Variants in IKZF2 observed in about 807,000 individuals in gnomAD.
IKZF2 encodes the protein zinc finger protein Helios.
IKZF2 carries 15 observed loss-of-function variants against 49.2 expected under a neutral mutation model. The observed-to-expected ratio is 0.30, with a 90% confidence interval of 0.20 to 0.47. The LOEUF (loss-of-function observed/expected upper bound fraction) is 0.47, where lower values mean the gene tolerates loss of function less well. Ranked by LOEUF, IKZF2 falls within the 20% of genes least tolerant of loss-of-function variation. The probability of loss-of-function intolerance (pLI) is 1.00; values close to 1 mark genes in which losing one functional copy is unlikely to be tolerated. For missense variants in IKZF2, 567 were observed against 664.6 expected (o/e 0.85, Z 1.61); for synonymous variants, 227 against 221.4 (o/e 1.03, Z -0.23).
At chr2:213,124,252 GCA>G (rs66958263) in intron 4 of IKZF2, among the ~76,000 whole-genome samples, 9,018 of 135,668 alleles carry the variant, frequency 0.066, 380 homozygotes, top group African/African-American at 0.12. Flanking sequence ...GCGCGCGCGC[GCA>G]CACACACACA....
At chr2:213,103,838 G>A (rs1349695039) in intron 4 of IKZF2, among the ~76,000 whole-genome samples, 1 of 152,008 alleles carries the variant, frequency 6.6e-6, no homozygotes, top group Non-Finnish European at 1.5e-5. Context: ...AAATTCCTTA[G>A]TTACAAATAT....
intron 4 of IKZF2, among the ~76,000 whole-genome samples, chr2:213,108,663 A>G (rs1287012014): frequency 6.6e-6 from 1 of 152,214 alleles, no homozygotes; most frequent in Non-Finnish European, 1.5e-5. Flanking sequence ...ATATAGCTTT[A>G]AAGTGCTTTT....
At chr2:213,094,698 AT>A (rs1705770518) in intron 4 of IKZF2, among the ~76,000 whole-genome samples, 2 of 152,276 alleles carry the variant, frequency 1.3e-5, no homozygotes, top group South Asian at 4.1e-4. Flanking sequence ...GTACAAAAGC[AT>A]TTTAATATTT....
intron 4 of IKZF2, among the ~76,000 whole-genome samples, chr2:213,134,671 A>G (rs1376275911): frequency 6.6e-6 from 1 of 152,206 alleles, no homozygotes. Context: ...TATCTGAAGA[A>G]GTATGCTTCT....
intron 4 of IKZF2, among the ~76,000 whole-genome samples, chr2:213,079,530 G>A (rs1238108649): frequency 6.7e-6 from 1 of 148,412 alleles, no homozygotes; most frequent in Non-Finnish European, 1.5e-5. Flanking sequence ...AAGGCAGGAA[G>A]GGAGGGAGGG....
chr2:213,134,902 A>T (rs866079496), intron 4 of IKZF2, among the ~76,000 whole-genome samples: 1 of 152,154 alleles, frequency 6.6e-6, no homozygotes, highest in African/African-American at 2.4e-5. Context: ...ACTCAAGTGG[A>T]GTCTGTGGCT....
intron 4 of IKZF2, among the ~76,000 whole-genome samples, chr2:213,147,180 T>C (rs987303418): frequency 2.0e-5 from 3 of 152,170 alleles, no homozygotes; most frequent in Non-Finnish European, 4.4e-5. Context: ...ACAAAAGCCT[T>C]TCAACTTTGC....
At chr2:213,096,622 C>T (rs185165595) in intron 4 of IKZF2, among the ~76,000 whole-genome samples, 19 of 151,894 alleles carry the variant, frequency 1.3e-4, no homozygotes, top group Non-Finnish European at 2.4e-4. Flanking sequence ...AGCACTGTAC[C>T]GAAAGTAATT....
intron 6 of IKZF2, among the ~76,000 whole-genome samples, chr2:213,030,284 A>G (rs1698267139): frequency 2.0e-5 from 3 of 152,062 alleles, no homozygotes; most frequent in African/African-American, 4.8e-5. Context: ...CTAAATCTTT[A>G]GAAGTCTTAA....
chr2:213,146,113 C>T (rs541968210), intron 4 of IKZF2, among the ~76,000 whole-genome samples: 69 of 152,186 alleles, frequency 4.5e-4, no homozygotes, highest in African/African-American at 1.6e-3. Context: ...TTACTCCCTA[C>T]CCTATACATG....
At chr2:213,085,381 C>T (rs1223254532) in intron 4 of IKZF2, among the ~76,000 whole-genome samples, 2 of 152,058 alleles carry the variant, frequency 1.3e-5, no homozygotes, top group African/African-American at 4.8e-5. Context: ...GTATAAATGG[C>T]TTATATATTA....
chr2:213,043,196 A>ACC (rs1191958010), intron 6 of IKZF2, among the ~76,000 whole-genome samples: 1 of 151,678 alleles, frequency 6.6e-6, no homozygotes, highest in Non-Finnish European at 1.5e-5. Flanking sequence ...ACACACACAC[A>ACC]CACACACACA....
intron 4 of IKZF2, among the ~76,000 whole-genome samples, chr2:213,147,217 A>G (rs1435741421): frequency 2.0e-5 from 3 of 152,222 alleles, no homozygotes. Context: ...AATGAGTTCT[A>G]TAAATTTTCA....
intron 6 of IKZF2, among the ~76,000 whole-genome samples, chr2:213,043,569 C>T (rs1378945329): frequency 6.6e-6 from 1 of 152,202 alleles, no homozygotes; most frequent in Admixed American, 6.5e-5. Flanking sequence ...CCAACCTTTT[C>T]ACCACCAGGG....
intron 4 of IKZF2, among the ~76,000 whole-genome samples, chr2:213,111,815 T>C (rs1174332783): frequency 6.6e-6 from 1 of 152,126 alleles, no homozygotes; most frequent in Non-Finnish European, 1.5e-5. Flanking sequence ...ATAGAGAAAA[T>C]CATATGATTG....
chr2:213,150,925 C>A (rs1294916379), intron 1 of IKZF2, among the ~76,000 whole-genome samples: 1 of 148,548 alleles, frequency 6.7e-6, no homozygotes. Context: ...TTTTTAATTC[C>A]AACAGGATCT....
At chr2:213,058,418 G>A (rs759629286) in intron 4 of IKZF2, among the ~76,000 whole-genome samples, 9 of 151,988 alleles carry the variant, frequency 5.9e-5, no homozygotes, top group Non-Finnish European at 1.2e-4. Context: ...GACTTCCTAT[G>A]GTTGCTGTGA....
At chr2:213,014,053 G>A (rs1296827877) in intron 7 of IKZF2, 119 bp from the exon 8 acceptor site, 4 of 843,698 alleles carry the variant, frequency 4.7e-6, no homozygotes, top group Non-Finnish European at 7.6e-6. Flanking sequence ...GTAGAAGCAA[G>A]TAGAAAGAAT....
intron 4 of IKZF2, among the ~76,000 whole-genome samples, chr2:213,135,052 C>A (rs2060607369): frequency 6.6e-6 from 1 of 152,142 alleles, no homozygotes. Flanking sequence ...CCATTAGCAA[C>A]ATACCAGAAT....
Sources: allele counts gnomAD v4.1 joint callset (sites outside exome capture counted in the v4.1 genomes callset), GRCh38; gene constraint gnomAD v4.1.1; transcripts MANE v1.5; gene names NCBI Gene and HGNC (gene_info 2026-07-23, HGNC 2026-07-21).